ABCA4: variants seen among roughly 807,000 people sequenced by gnomAD.
ABCA4 encodes ATP binding cassette subfamily A member 4, also known as retinal-specific phospholipid-transporting ATPase ABCA4.
In ABCA4, 196 loss-of-function variants were observed where a neutral mutation model predicts 263.7. The ratio of observed to expected loss-of-function variants is 0.74; its 90% CI spans 0.66 to 0.84. The LOEUF (loss-of-function observed/expected upper bound fraction) is 0.84. ABCA4 is among the 40% of genes least tolerant of loss of function. The pLI, the probability that ABCA4 is intolerant of heterozygous loss-of-function variation, is 0.00. For synonymous variants in ABCA4, 1,133 were observed against 1,094.2 expected, an observed-to-expected ratio of 1.04 and a Z score of -0.70; for missense variants, 2,792 against 2,855.1, an observed-to-expected ratio of 0.98 and a Z score of 0.50.
At chr1:94,024,465 C>T (rs1659982294) in intron 31 of ABCA4, among the ~76,000 whole-genome samples, 1 of 152,196 alleles carries the variant, frequency 6.6e-6, no homozygotes, top group African/African-American at 2.4e-5. Context: ...GTTGACCTGG[C>T]TCGCCCTGGC....
At position 94,021,686 on chromosome 1, in the gene ABCA4, T is replaced by G; in HGVS notation, c.4802A>C (p.Glu1601Ala). The change falls in exon 34 of 50, where the codon GAA (glutamate) becomes GCA (alanine). Residue 1601 changes from glutamate to alanine, a missense_variant. Transcript: ENST00000370225. ...GGPITREASKEIPDFLKHLET... is the reference protein window; with the variant it reads ...GGPITREASKAIPDFLKHLET... ...TAGATGTTTAAGGAAATCAGGTATT[T>G]CTTTAGAGGCCTCTCTAGTGATAGG... The G allele has an allele frequency of 6.2e-7, 1 of 1,613,474 alleles. No individual in the cohort carries two copies. The highest frequency in any genetic ancestry group is 8.5e-7 in the Non-Finnish European group (1 of 1,179,626).
At chr1:94,006,099 G>T (rs943904875) in intron 43 of ABCA4, among the ~76,000 whole-genome samples, 1 of 152,130 alleles carries the variant, frequency 6.6e-6, no homozygotes, top group Non-Finnish European at 1.5e-5. Context: ...ACTCCCTTTG[G>T]CTAATATATT....
intron 30 of ABCA4, among the ~76,000 whole-genome samples, chr1:94,027,552 G>A (rs972721406): frequency 3.3e-5 from 5 of 152,188 alleles, no homozygotes; most frequent in African/African-American, 1.2e-4. Context: ...TGCAGCAGAT[G>A]AGCTGTGATT....
chr1:94,108,282 C>G (rs1328400166), intron 4 of ABCA4, among the ~76,000 whole-genome samples: 1 of 152,198 alleles, frequency 6.6e-6, no homozygotes, highest in Non-Finnish European at 1.5e-5. Context: ...TCCCCTGCTT[C>G]TAGCCCTTGA....
chr1:94,111,674 C>A (rs2101163317), intron 2 of ABCA4, 95 bp from the exon 3 acceptor site: 4 of 1,433,650 alleles, frequency 2.8e-6, no homozygotes, highest in African/African-American at 1.4e-5. Context: ...GGGGCCCGGG[C>A]CCCTCTGATG....
At chr1:94,011,648 C>A (rs1409055687) in intron 38 of ABCA4, among the ~76,000 whole-genome samples, 2 of 152,230 alleles carry the variant, frequency 1.3e-5, no homozygotes, top group African/African-American at 4.8e-5. Context: ...GACTGGGGCT[C>A]CCTGCAAGTT....
At chr1:94,097,313 G>A (rs539679057) in intron 6 of ABCA4, among the ~76,000 whole-genome samples, 1 of 152,078 alleles carries the variant, frequency 6.6e-6, no homozygotes, top group Non-Finnish European at 1.5e-5. Context: ...GGGATTAAGC[G>A]TGGACCGTGC....
chr1:94,038,888 T>A (rs1021484928), intron 24 of ABCA4, among the ~76,000 whole-genome samples: 2 of 152,146 alleles, frequency 1.3e-5, no homozygotes, highest in African/African-American at 4.8e-5. Flanking sequence ...CCTTTCTTAT[T>A]TGGGGCATAA....
intron 11 of ABCA4, among the ~76,000 whole-genome samples, chr1:94,077,360 G>A (rs1274150782): frequency 1.3e-5 from 2 of 152,178 alleles, no homozygotes; most frequent in Non-Finnish European, 2.9e-5. Context: ...CTGTGGGGTT[G>A]AGGGGACACT....
In ABCA4 at chr1:94,102,633, G is replaced by A. The variant is rs542625995; in HGVS notation, c.570+382C>T. ...GCCCCACTGGAATGGAAGCTCCCTG[G>A]CCTGGGGTTTTGCCTGTCTGGTTCA... is the stretch of plus-strand genomic sequence containing the variant. On this transcript the variant is annotated intron_variant, in intron 5 of 49. Coordinates refer to ENST00000370225, the MANE Select transcript of ABCA4 (RefSeq NM_000350.3). Among the ~76,000 whole-genome samples the A allele has an allele frequency of 2.0e-5, 3 of 152,150 alleles. No homozygotes were observed. The East Asian group carries it at 5.8e-4, about 29-fold the overall frequency.
intron 6 of ABCA4, among the ~76,000 whole-genome samples, chr1:94,093,228 C>T (rs1662024885): frequency 6.6e-6 from 1 of 152,146 alleles, no homozygotes; most frequent in South Asian, 2.1e-4. Context: ...CTAAAGAATG[C>T]ATATTAGTGG....
Position 93,996,071 on chromosome 1 carries a change from C to T in ABCA4, c.6816+38G>A, listed in dbSNP as rs187963951. 5 of 1,585,576 alleles carry T rather than the reference C, an allele frequency of 3.2e-6. No homozygotes were observed. In the African/African-American group the frequency reaches 5.4e-5, roughly 17 times the overall value. ...ACCAGCTGGGCTCTGAGCCAAGGAACTGCCTCAAGCTGTGGACTGCATAAG... is the reference window on the plus strand; with the variant it reads ...ACCAGCTGGGCTCTGAGCCAAGGAATTGCCTCAAGCTGTGGACTGCATAAG... On this transcript the variant is annotated intron_variant, in intron 49 of 49. Coordinates refer to ENST00000370225, the MANE Select transcript of ABCA4 (RefSeq NM_000350.3).
chr1:94,100,712 G>A (rs1354903929), intron 5 of ABCA4, among the ~76,000 whole-genome samples: 3 of 152,192 alleles, frequency 2.0e-5, no homozygotes, highest in Non-Finnish European at 4.4e-5. Flanking sequence ...CTTCTGAGCT[G>A]TGCTAAGACC....
chr1:94,021,000 A>C (rs1034947192), intron 35 of ABCA4, among the ~76,000 whole-genome samples: 1 of 152,254 alleles, frequency 6.6e-6, no homozygotes, highest in Non-Finnish European at 1.5e-5. Context: ...TCAAAAGCCA[A>C]AAGGGAATGG....
chr1:94,019,573 G>C lies in ABCA4; in HGVS notation c.5196+9C>G. 1 of 1,597,512 alleles carries C rather than the reference G, an allele frequency of 6.3e-7. No individual in the cohort carries two copies. Among genetic ancestry groups the C allele is most frequent in the Non-Finnish European group, 8.5e-7 (1 of 1,171,470 alleles). On this transcript the variant is annotated intron_variant, in intron 36 of 49. Transcript: ENST00000370225. ...GGAGGGGAGGGAGGCGCTGTAAACT[G>C]ACACTTACGATGTCCCAGAGGAAGT...
In ABCA4 at chr1:94,056,823, C is replaced by T. The variant is rs1401924846; in HGVS notation, c.2161-1G>A. On this transcript the variant is annotated splice_acceptor_variant, in intron 14 of 49. Coordinates refer to ENST00000370225, the MANE Select transcript of ABCA4 (RefSeq NM_000350.3). LOFTEE classifies it high-confidence loss of function. The stretch of plus-strand genomic sequence containing the variant: ...CGCTGTAATGTAGGATTCTTCCATG[C>T]TGAAACCAAGAGGCCATGCGTCAGT... 1 of 1,596,224 alleles carries T rather than the reference C, an allele frequency of 6.3e-7. No homozygotes were observed. The highest frequency in any genetic ancestry group is 1.1e-5 in the South Asian group (1 of 88,390).
chr1:94,040,255 T>G (rs1055349658), intron 23 of ABCA4, 128 bp from the exon 24 acceptor site: 6 of 763,838 alleles, frequency 7.9e-6, no homozygotes, highest in African/African-American at 6.9e-5. Flanking sequence ...ACACATTTTT[T>G]TCTTCACTGT....
intron 35 of ABCA4, 112 bp from the exon 36 acceptor site, chr1:94,019,871 TC>T: frequency 8.7e-7 from 1 of 1,153,206 alleles, no homozygotes; most frequent in Non-Finnish European, 1.3e-6. Flanking sequence ...AGGTGTGGCC[TC>T]CAGGTTCCTC....
At chr1:94,114,488 C>CT (rs11419879) in intron 1 of ABCA4, among the ~76,000 whole-genome samples, 41,313 of 149,774 alleles carry the variant, frequency 0.28, 5,732 homozygotes, top group Middle Eastern at 0.35. Flanking sequence ...CCGTGAGGCA[C>CT]TTTTTTTTTT....
Sources: allele counts gnomAD v4.1 joint callset (sites outside exome capture counted in the v4.1 genomes callset), GRCh38; gene constraint gnomAD v4.1.1; transcripts MANE v1.5; gene names NCBI Gene and HGNC (gene_info 2026-07-23, HGNC 2026-07-21).